Variants in ERBB4 observed in about 807,000 individuals in gnomAD.
ERBB4 encodes receptor tyrosine-protein kinase erbB-4.
A neutral mutation model predicts 158.0 loss-of-function variants in ERBB4; 42 were observed. That is an observed-to-expected ratio of 0.27 (90% CI 0.21 to 0.34). The LOEUF (loss-of-function observed/expected upper bound fraction) is 0.34. Ranked by LOEUF, ERBB4 falls within the 10% of genes least tolerant of loss-of-function variation. The pLI, the probability that ERBB4 is intolerant of heterozygous loss-of-function variation, is 1.00. For synonymous variants in ERBB4, 583 were observed against 558.7 expected (o/e 1.04, Z -0.61); for missense variants, 1,333 against 1,624.1 (o/e 0.82, Z 3.08).
intron 27 of ERBB4, among the ~76,000 whole-genome samples, 171 bp from the exon 28 acceptor site, chr2:211,384,231 G>C (rs1294645789): frequency 6.6e-6 from 1 of 152,116 alleles, no homozygotes; most frequent in Non-Finnish European, 1.5e-5. Flanking sequence ...ATGAAAAAAA[G>C]AGTAAGTGGG....
chr2:211,404,910 T>A (rs1159242378), intron 25 of ERBB4, among the ~76,000 whole-genome samples: 2 of 152,094 alleles, frequency 1.3e-5, no homozygotes, highest in Middle Eastern at 6.3e-3. Context: ...GTTATTTTTG[T>A]TGTTGGAGAA....
chr2:211,708,612 T>TTC (rs60948715), intron 9 of ERBB4, among the ~76,000 whole-genome samples: 26,948 of 116,246 alleles, frequency 0.23, 2,550 homozygotes, highest in Middle Eastern at 0.31. Context: ...GTTTCCATCC[T>TTC]TCTCTCTCTC....
At chr2:211,944,179 A>G (rs1390757150) in intron 3 of ERBB4, among the ~76,000 whole-genome samples, 3 of 5,404 alleles carry the variant, frequency 5.6e-4, no homozygotes, top group South Asian at 6.3e-3. Context: ...TATATATACT[A>G]TATATATATA....
chr2:211,377,111 AC>A lies in ERBB4; in HGVS notation c.*6503del, dbSNP rs2062488894. ...GGAGTGCTATGGTTGTAGTCCCCTCACTCCCCCCTCCCAGCCCCTGAGAGAT... is the reference window on the plus strand; with the variant it reads ...GGAGTGCTATGGTTGTAGTCCCCTCATCCCCCCTCCCAGCCCCTGAGAGAT... On this transcript the variant is annotated 3_prime_UTR_variant, in exon 28 of 28. Coordinates refer to ENST00000342788, the MANE Select transcript of ERBB4 (RefSeq NM_005235.3). The A allele has an allele frequency of 8.6e-6, 2 of 232,302 alleles. No homozygotes were observed. Among genetic ancestry groups the A allele is most frequent in the Non-Finnish European group, 1.7e-5 (2 of 117,506 alleles). The allele number at this position is 232,302 out of a possible 1,614,324, so 14.4% of individuals were successfully genotyped here.
intron 2 of ERBB4, among the ~76,000 whole-genome samples, chr2:212,052,505 C>G (rs1387289361): frequency 6.6e-6 from 1 of 152,210 alleles, no homozygotes. Context: ...ATGACTAATA[C>G]AGTCTGCTTA....
chr2:212,028,973 C>G (rs1017417168), intron 2 of ERBB4, among the ~76,000 whole-genome samples: 1 of 151,990 alleles, frequency 6.6e-6, no homozygotes, highest in African/African-American at 2.4e-5. Flanking sequence ...AAAACAGGAC[C>G]GGGGTGGAAG....
chr2:212,410,710 T>C (rs1030064419), intron 1 of ERBB4, among the ~76,000 whole-genome samples: 1 of 152,076 alleles, frequency 6.6e-6, no homozygotes, highest in Non-Finnish European at 1.5e-5. Flanking sequence ...AATATAAATA[T>C]GTATTATAAA....
At chr2:211,719,309 C>T (rs1340171242) in intron 7 of ERBB4, among the ~76,000 whole-genome samples, 1 of 152,126 alleles carries the variant, frequency 6.6e-6, no homozygotes, top group East Asian at 1.9e-4. Flanking sequence ...CTGTGATATC[C>T]ATTTCTTCCA....
intron 3 of ERBB4, among the ~76,000 whole-genome samples, chr2:211,873,175 C>T (rs1290428264): frequency 6.6e-6 from 1 of 151,978 alleles, no homozygotes; most frequent in Non-Finnish European, 1.5e-5. Context: ...CATTTCAGCA[C>T]AGCAGATTTC....
chr2:212,309,204 G>A (rs1225934609), intron 1 of ERBB4, among the ~76,000 whole-genome samples: 3 of 150,828 alleles, frequency 2.0e-5, no homozygotes, highest in African/African-American at 4.8e-5. Context: ...TCTGATTTGA[G>A]AACCAGACTA....
chr2:211,593,499 TC>T (rs2068538363), intron 19 of ERBB4, among the ~76,000 whole-genome samples: 1 of 152,180 alleles, frequency 6.6e-6, no homozygotes, highest in Admixed American at 6.5e-5. Flanking sequence ...TGTATCTCTT[TC>T]ACATCTCCCT....
At chr2:212,466,725 C>T (rs1376756578) in intron 1 of ERBB4, among the ~76,000 whole-genome samples, 3 of 152,116 alleles carry the variant, frequency 2.0e-5, no homozygotes, top group Admixed American at 2.0e-4. Context: ...ACATTGGTAC[C>T]AGTAGAGTGG....
At chr2:211,426,653 T>G (rs1375517341) in intron 22 of ERBB4, among the ~76,000 whole-genome samples, 1 of 151,604 alleles carries the variant, frequency 6.6e-6, no homozygotes, top group Non-Finnish European at 1.5e-5. Flanking sequence ...GCCCAGTTTA[T>G]ATATATCTTG....
Position 211,515,896 on chromosome 2 carries a change from T to TTTTATATATATATATA in ERBB4, c.2487+46006_2487+46007insTATATATATATATAAA, listed in dbSNP as rs1394844699. Among the ~76,000 whole-genome samples, 58 of 88,898 alleles carry TTTTATATATATATATA rather than the reference T, an allele frequency of 6.5e-4. 3 individuals are homozygous for TTTTATATATATATATA. The highest frequency in any genetic ancestry group is 2.7e-3 in the African/African-American group (51 of 19,066). 58.3% of individuals were successfully genotyped at this position (88,898 alleles called of 152,430 possible). The stretch of plus-strand genomic sequence containing the variant: ...TTAGTAACTTATATAAAAACATATA[T>TTTTATATATATATATA]TATATATATATATATATTTTTTTTT... On this transcript the variant is annotated intron_variant, in intron 20 of 27. Coordinates refer to ENST00000342788, the MANE Select transcript of ERBB4 (RefSeq NM_005235.3).
At chr2:211,541,572 CTT>C (rs2125684138) in intron 20 of ERBB4, among the ~76,000 whole-genome samples, 1 of 152,082 alleles carries the variant, frequency 6.6e-6, no homozygotes, top group Admixed American at 6.6e-5. Context: ...GGGAAAAAGT[CTT>C]TATAATAGGT....
At chr2:212,301,516 T>G (rs2086621064) in intron 1 of ERBB4, among the ~76,000 whole-genome samples, 1 of 151,386 alleles carries the variant, frequency 6.6e-6, no homozygotes, top group African/African-American at 2.4e-5. Flanking sequence ...TTCAATCAAC[T>G]GATATTAATT....
intron 25 of ERBB4, among the ~76,000 whole-genome samples, chr2:211,405,554 T>C (rs1385745922): frequency 6.6e-6 from 1 of 152,188 alleles, no homozygotes; most frequent in Non-Finnish European, 1.5e-5. Context: ...TGGATGCCCA[T>C]TATTCTAGAA....
intron 7 of ERBB4, among the ~76,000 whole-genome samples, chr2:211,720,147 C>T (rs2074048303): frequency 6.6e-6 from 1 of 152,132 alleles, no homozygotes; most frequent in African/African-American, 2.4e-5. Context: ...TCCCGGTAAC[C>T]GATGCATTTT....
At chr2:212,135,071 GA>G (rs1344059043) in intron 1 of ERBB4, among the ~76,000 whole-genome samples, 3 of 152,052 alleles carry the variant, frequency 2.0e-5, no homozygotes, top group African/African-American at 7.2e-5. Context: ...TGTACCTATG[GA>G]AGACATAGGT....
Sources: allele counts gnomAD v4.1 joint callset (sites outside exome capture counted in the v4.1 genomes callset), GRCh38; gene constraint gnomAD v4.1.1; transcripts MANE v1.5; gene names NCBI Gene and HGNC (gene_info 2026-07-23, HGNC 2026-07-21).